Variants in TTC28 observed in about 807,000 individuals in gnomAD.
The protein encoded by TTC28 is tetratricopeptide repeat protein 28.
TTC28 carries 61 observed loss-of-function variants against 198.0 expected under a neutral mutation model. The observed-to-expected ratio is 0.31, with a 90% CI of 0.25 to 0.38. The LOEUF (loss-of-function observed/expected upper bound fraction) is 0.38. TTC28 is among the 10% of genes least tolerant of loss of function. The pLI is 1.00. For synonymous variants in TTC28, 1,171 were observed against 1,297.8 expected, an observed-to-expected ratio of 0.90 and a Z score of 2.10; for missense variants, 2,678 against 3,164.0, an observed-to-expected ratio of 0.85 and a Z score of 3.69.
intron 2 of TTC28, among the ~76,000 whole-genome samples, chr22:28,439,104 A>G (rs942307548): frequency 1.3e-5 from 2 of 152,266 alleles, no homozygotes; most frequent in African/African-American, 4.8e-5. Flanking sequence ...TTCATAACAA[A>G]TAAGTATATA....
chr22:28,260,264 C>A (rs1197893781), intron 5 of TTC28, among the ~76,000 whole-genome samples: 1 of 152,102 alleles, frequency 6.6e-6, no homozygotes, highest in Non-Finnish European at 1.5e-5. Context: ...TGTACTATAA[C>A]ATTTTGCATT....
intron 12 of TTC28, among the ~76,000 whole-genome samples, chr22:28,033,007 C>T (rs1477592907): frequency 1.3e-5 from 2 of 152,180 alleles, no homozygotes; most frequent in Non-Finnish European, 2.9e-5. Context: ...AAATATTACT[C>T]AACAAGCTCC....
chr22:28,001,196 G>A, intron 15 of TTC28, 178 bp downstream of exon 15: 1 of 729,490 alleles, frequency 1.4e-6, no homozygotes. Flanking sequence ...TGAGGGCCGT[G>A]CCCCACTTTT....
At chr22:28,598,797 T>C (rs1461059467) in intron 2 of TTC28, among the ~76,000 whole-genome samples, 1 of 151,878 alleles carries the variant, frequency 6.6e-6, no homozygotes, top group African/African-American at 2.4e-5. Flanking sequence ...GATGAAAATA[T>C]AAATCTACAC....
At chr22:28,547,107 G>A (rs1238207778) in intron 2 of TTC28, among the ~76,000 whole-genome samples, 4 of 152,126 alleles carry the variant, frequency 2.6e-5, no homozygotes, top group Non-Finnish European at 5.9e-5. Context: ...GGTTCATTGA[G>A]CATTGAACTA....
At chr22:28,361,562 T>A (rs2046160042) in intron 2 of TTC28, among the ~76,000 whole-genome samples, 1 of 152,102 alleles carries the variant, frequency 6.6e-6, no homozygotes, top group Non-Finnish European at 1.5e-5. Flanking sequence ...CTCTAAAACA[T>A]AAAAGCATGA....
chr22:28,051,761 T>C (rs1940096301), intron 12 of TTC28, among the ~76,000 whole-genome samples: 1 of 152,082 alleles, frequency 6.6e-6, no homozygotes, highest in African/African-American at 2.4e-5. Flanking sequence ...TAAATAACAA[T>C]AATAAAGAAA....
chr22:28,362,361 T>C (rs2046172804), intron 2 of TTC28, among the ~76,000 whole-genome samples: 1 of 152,204 alleles, frequency 6.6e-6, no homozygotes, highest in Non-Finnish European at 1.5e-5. Flanking sequence ...CCTTCTGCCA[T>C]GATTCTGAGG....
chr22:28,117,479 C>T (rs114775543), intron 6 of TTC28, among the ~76,000 whole-genome samples: 1 of 152,230 alleles, frequency 6.6e-6, no homozygotes, highest in African/African-American at 2.4e-5. Flanking sequence ...CAGAAGTTTC[C>T]CAAGGAGCTT....
chr22:28,036,977 T>G (rs947710005), intron 12 of TTC28, among the ~76,000 whole-genome samples: 9 of 152,120 alleles, frequency 5.9e-5, no homozygotes, highest in African/African-American at 1.9e-4. Context: ...TAGGAAGAAG[T>G]TGAATCTCTG....
At chr22:28,355,109 T>C (rs2046055711) in intron 2 of TTC28, among the ~76,000 whole-genome samples, 1 of 152,040 alleles carries the variant, frequency 6.6e-6, no homozygotes, top group Non-Finnish European at 1.5e-5. Context: ...CTTAACACTG[T>C]GCTAGCCATC....
chr22:28,409,583 T>TA (rs890111564), intron 2 of TTC28, among the ~76,000 whole-genome samples: 1 of 149,868 alleles, frequency 6.7e-6, no homozygotes, highest in African/African-American at 2.4e-5. Flanking sequence ...ATAACATATA[T>TA]AAAAAACATA....
At chr22:28,279,647 G>GGTGTGAGACACCACAACA (rs1486609348) in intron 5 of TTC28, among the ~76,000 whole-genome samples, 1 of 152,158 alleles carries the variant, frequency 6.6e-6, no homozygotes, top group African/African-American at 2.4e-5. Flanking sequence ...TGGGATTACA[G>GGTGTGAGACACCACAACA]GTGTGAGACA....
chr22:28,028,538 T>C (rs952713585), intron 13 of TTC28, among the ~76,000 whole-genome samples: 1 of 152,196 alleles, frequency 6.6e-6, no homozygotes, highest in Non-Finnish European at 1.5e-5. Context: ...TCCTGACTGC[T>C]GGAGTGCCTG....
At chr22:28,453,857 G>A (rs2047820194) in intron 2 of TTC28, among the ~76,000 whole-genome samples, 1 of 152,110 alleles carries the variant, frequency 6.6e-6, no homozygotes, top group African/African-American at 2.4e-5. Flanking sequence ...CTTAAGACCC[G>A]CTTAAGGCTT....
intron 2 of TTC28, among the ~76,000 whole-genome samples, chr22:28,543,382 G>A (rs575314659): frequency 2.0e-4 from 30 of 150,442 alleles, no homozygotes; most frequent in Admixed American, 6.7e-4. Context: ...AGAATAGGAA[G>A]AAGAAAAGAA....
At chr22:28,057,975 C>T (rs762354557) in intron 12 of TTC28, among the ~76,000 whole-genome samples, 1 of 152,146 alleles carries the variant, frequency 6.6e-6, no homozygotes, top group African/African-American at 2.4e-5. Context: ...ATGTGCCACA[C>T]TGTCTTGATT....
intron 2 of TTC28, among the ~76,000 whole-genome samples, chr22:28,310,015 A>G (rs963629792): frequency 6.6e-6 from 1 of 152,102 alleles, no homozygotes; most frequent in Admixed American, 6.6e-5. Flanking sequence ...TTCCATGCAT[A>G]CTACTAGATG....
At chr22:28,619,958 T>TA (rs1308100870) in intron 2 of TTC28, among the ~76,000 whole-genome samples, 1 of 152,132 alleles carries the variant, frequency 6.6e-6, no homozygotes, top group East Asian at 1.9e-4. Flanking sequence ...ACATTGAAGA[T>TA]AAAGTCCACA....
Sources: allele counts gnomAD v4.1 joint callset (sites outside exome capture counted in the v4.1 genomes callset), GRCh38; gene constraint gnomAD v4.1.1; transcripts MANE v1.5; gene names NCBI Gene and HGNC (gene_info 2026-07-23, HGNC 2026-07-21).